Variants in RFX8 observed in about 807,000 individuals in gnomAD.
RFX8 encodes the protein DNA-binding protein RFX8.
Under a neutral mutation model 54.6 loss-of-function variants are expected in RFX8, and 46 were observed. The ratio of observed to expected loss-of-function variants is 0.84; its 90% confidence interval spans 0.67 to 1.08. The LOEUF is 1.08. Ranked by LOEUF, RFX8 falls within the 50% of genes least tolerant of loss-of-function variation. The probability of loss-of-function intolerance (pLI) is 0.00; values close to 1 mark genes in which losing one functional copy is unlikely to be tolerated. For synonymous variants in RFX8, 192 were observed against 209.5 expected (o/e 0.92, Z 0.72); for missense variants, 536 against 562.3 (o/e 0.95, Z 0.47).
intron 7 of RFX8, 51 bp downstream of exon 7, chr2:101,414,803 T>C: frequency 7.3e-7 from 1 of 1,366,116 alleles, no homozygotes; most frequent in Non-Finnish European, 1.0e-6. Context: ...AGCTTTCACC[T>C]CTTTTCAGGA....
intron 1 of RFX8, 109 bp from the exon 2 acceptor site, chr2:101,467,009 CAT>C (rs1444150633): frequency 3.1e-6 from 2 of 641,328 alleles, no homozygotes; most frequent in Non-Finnish European, 2.8e-6. Flanking sequence ...ATAAATGAAA[CAT>C]GTCTAATTTA....
chr2:101,451,254 C>T (rs923870034), intron 2 of RFX8, among the ~76,000 whole-genome samples: 3 of 152,160 alleles, frequency 2.0e-5, no homozygotes, highest in Non-Finnish European at 4.4e-5. Context: ...GAGTGGCAGC[C>T]CCCTTTCCTA....
intron 2 of RFX8, among the ~76,000 whole-genome samples, chr2:101,432,173 G>T (rs1318344214): frequency 6.6e-6 from 1 of 152,130 alleles, no homozygotes; most frequent in Non-Finnish European, 1.5e-5. Context: ...TACAACACGG[G>T]TCAACATGTA....
At chr2:101,414,106 G>T (rs1686337185) in intron 7 of RFX8, among the ~76,000 whole-genome samples, 1 of 152,150 alleles carries the variant, frequency 6.6e-6, no homozygotes, top group Non-Finnish European at 1.5e-5. Context: ...GATTGAAAAG[G>T]TCAGAGCTGA....
At chr2:101,428,063 G>GA (rs1553454563) in intron 2 of RFX8, among the ~76,000 whole-genome samples, 1 of 147,674 alleles carries the variant, frequency 6.8e-6, no homozygotes, top group Non-Finnish European at 1.5e-5. Flanking sequence ...GGAGGCCAAG[G>GA]GGGGCAGATC....
chr2:101,415,747 C>G lies in RFX8; in HGVS notation c.503-835G>C, dbSNP rs914422231. Among the ~76,000 whole-genome samples the G allele has an allele frequency of 3.3e-5, 5 of 152,306 alleles. No individual in the cohort carries two copies. The East Asian group carries it at 9.7e-4, about 29-fold the overall frequency. On this transcript the variant is annotated intron_variant, in intron 6 of 11. Transcript: ENST00000428343. ...CCCTTCCCTACAAAGGGCTCATGCTCCAGAGGGTGGGTCACCAGATATGCA... is the reference window on the plus strand; with the variant it reads ...CCCTTCCCTACAAAGGGCTCATGCTGCAGAGGGTGGGTCACCAGATATGCA...
intron 1 of RFX8, chr2:101,474,129 G>T: frequency 1.8e-6 from 1 of 555,580 alleles, no homozygotes; most frequent in Non-Finnish European, 3.2e-6. Context: ...GAGGGCAGCC[G>T]TAGCGGGAAC....
chr2:101,471,737 T>C (rs1690009141), intron 1 of RFX8, among the ~76,000 whole-genome samples: 3 of 152,244 alleles, frequency 2.0e-5, no homozygotes, highest in Non-Finnish European at 2.9e-5. Context: ...CTATTACCTC[T>C]GGCCCCTGAG....
intron 6 of RFX8, 111 bp downstream of exon 6, chr2:101,417,423 C>A: frequency 9.9e-7 from 1 of 1,010,672 alleles, no homozygotes; most frequent in South Asian, 1.8e-5. Context: ...CCGGGCTGGT[C>A]TCAAACTCCT....
intron 2 of RFX8, among the ~76,000 whole-genome samples, chr2:101,442,413 AG>A (rs1410343611): frequency 6.6e-6 from 1 of 152,142 alleles, no homozygotes; most frequent in Non-Finnish European, 1.5e-5. Context: ...CTGATCTCTA[AG>A]GGTGAGTCAG....
chr2:101,427,896 C>T (rs1474659629), intron 2 of RFX8, among the ~76,000 whole-genome samples: 2 of 152,188 alleles, frequency 1.3e-5, no homozygotes, highest in Admixed American at 1.3e-4. Flanking sequence ...TCACTAAACA[C>T]GTTTATAAAA....
chr2:101,442,171 T>C (rs1688135497), intron 2 of RFX8, among the ~76,000 whole-genome samples: 1 of 152,224 alleles, frequency 6.6e-6, no homozygotes, highest in Non-Finnish European at 1.5e-5. Flanking sequence ...GGTGTGGAAA[T>C]CTTTTTTCCA....
intron 2 of RFX8, among the ~76,000 whole-genome samples, chr2:101,443,291 A>G (rs1363586543): frequency 1.3e-5 from 2 of 152,130 alleles, no homozygotes; most frequent in African/African-American, 2.4e-5. Flanking sequence ...CAGGGTTTAC[A>G]GTTGTGCTTA....
intron 2 of RFX8, among the ~76,000 whole-genome samples, chr2:101,466,190 T>C (rs1175947373): frequency 1.3e-5 from 2 of 151,920 alleles, no homozygotes; most frequent in Non-Finnish European, 2.9e-5. Flanking sequence ...GCAAGTTCAC[T>C]CCTGGACATA....
intron 1 of RFX8, 172 bp downstream of exon 1, chr2:101,474,464 G>A (rs1249075775): frequency 2.8e-6 from 1 of 354,434 alleles, no homozygotes; most frequent in African/African-American, 2.1e-5. Flanking sequence ...GAAGGCGCGC[G>A]GCGAGTACGG....
At chr2:101,407,664 C>T (rs1024774702) in intron 9 of RFX8, among the ~76,000 whole-genome samples, 1 of 151,970 alleles carries the variant, frequency 6.6e-6, no homozygotes, top group African/African-American at 2.4e-5. Context: ...TGCACTCCAG[C>T]CTGGGTGACA....
chr2:101,469,116 ATATATAAG>A (rs1558897071), intron 1 of RFX8, among the ~76,000 whole-genome samples: 14 of 121,414 alleles, frequency 1.2e-4, no homozygotes, highest in East Asian at 7.5e-4. Context: ...AAGTGTATAT[ATATATAAG>A]TATATATATA....
rs7599252 is a variant in RFX8, at chr2:101,446,694, G to A, written c.72+20083C>T. On this transcript the variant is annotated intron_variant, in intron 2 of 11. Coordinates refer to ENST00000428343, the MANE Select transcript of RFX8 (RefSeq NM_001145664.2). Reference sequence around the variant, plus strand: ...CGGAAACAAACAGAGTCCCCGGGACGCTAATGGTCTCTCCCCTCTGAGTGC... The same window carrying A: ...CGGAAACAAACAGAGTCCCCGGGACACTAATGGTCTCTCCCCTCTGAGTGC... 3.2e-3 allele frequency among the ~76,000 whole-genome samples: 486 copies of A among 151,506 alleles called. 1 individual carries two copies. Among genetic ancestry groups the A allele is most frequent in the African/African-American group, 0.011 (467 of 41,272 alleles).
At chr2:101,419,849 T>C (rs1007885291) in intron 4 of RFX8, among the ~76,000 whole-genome samples, 1 of 152,112 alleles carries the variant, frequency 6.6e-6, no homozygotes, top group African/African-American at 2.4e-5. Context: ...CAACACAGGG[T>C]GTAGCAATCC....
Sources: gnomAD v4.1 joint callset for allele counts (sites outside exome capture counted in the v4.1 genomes callset) on GRCh38, gnomAD v4.1.1 for gene constraint, MANE v1.5 for transcripts, NCBI Gene and HGNC (gene_info 2026-07-23, HGNC 2026-07-21) for gene names.